CNTNAP2: variants seen among roughly 807,000 people sequenced by gnomAD.
CNTNAP2 encodes contactin associated protein 2, also known as contactin-associated protein-like 2.
CNTNAP2 carries 98 observed loss-of-function variants against 155.2 expected under a neutral mutation model. The ratio of observed to expected loss-of-function variants is 0.63; its 90% CI spans 0.54 to 0.75. The LOEUF (loss-of-function observed/expected upper bound fraction) is 0.75, where lower values mean the gene tolerates loss of function less well. Among genes scored for constraint, CNTNAP2 ranks in the 30% least tolerant of loss-of-function variants. The pLI is 0.00. For missense variants in CNTNAP2, 1,727 were observed against 1,688.1 expected (o/e 1.02, Z -0.40); for synonymous variants, 651 against 631.2 (o/e 1.03, Z -0.47).
intron 1 of CNTNAP2, among the ~76,000 whole-genome samples, chr7:146,531,841 G>A (rs1462825584): frequency 2.6e-5 from 4 of 152,108 alleles, no homozygotes; most frequent in Non-Finnish European, 5.9e-5. Flanking sequence ...CACCATGCCG[G>A]CCCTATAGCT....
In CNTNAP2 at chr7:147,121,151, C is replaced by T. The variant is rs1268578810; in HGVS notation, c.927C>T (p.Asp309=). ...FRTNGEFDYL[D]LDYEITFGGI... ...CCAATGGAGAGTTTGACTACCTGGA[C>T]TTGGACTATGAGGTACATGTGATGA... Residue 309 remains aspartate, a synonymous_variant, in exon 6 of 24, where the codon GAC becomes GAT. Coordinates refer to ENST00000361727, the MANE Select transcript of CNTNAP2 (RefSeq NM_014141.6). 6.2e-7 allele frequency: 1 copy of T among 1,614,082 alleles called. No individual in the cohort carries two copies. The highest frequency in any genetic ancestry group is 8.5e-7 in the Non-Finnish European group (1 of 1,179,962).
intron 9 of CNTNAP2, among the ~76,000 whole-genome samples, chr7:147,321,089 T>C (rs1191715882): frequency 1.3e-5 from 2 of 152,246 alleles, no homozygotes; most frequent in Admixed American, 1.3e-4. Context: ...TGTTGACTAT[T>C]CTTTTTCATA....
intron 1 of CNTNAP2, among the ~76,000 whole-genome samples, chr7:146,718,508 T>C (rs893765260): frequency 6.6e-6 from 1 of 152,098 alleles, no homozygotes; most frequent in African/African-American, 2.4e-5. Context: ...CTTAAACCTT[T>C]TCTGTTTAAT....
intron 8 of CNTNAP2, among the ~76,000 whole-genome samples, chr7:147,148,775 T>A (rs1801766330): frequency 6.6e-6 from 1 of 152,208 alleles, no homozygotes; most frequent in Non-Finnish European, 1.5e-5. Context: ...GGAGGGTTCA[T>A]GGTCTCACTG....
chr7:146,352,911 C>G (rs894219229), intron 1 of CNTNAP2, among the ~76,000 whole-genome samples: 1 of 151,418 alleles, frequency 6.6e-6, no homozygotes, highest in African/African-American at 2.4e-5. Context: ...CCCGCCACCA[C>G]GCCCGGCTAA....
chr7:147,394,101 G>A (rs548355802), intron 9 of CNTNAP2, among the ~76,000 whole-genome samples: 1 of 152,052 alleles, frequency 6.6e-6, no homozygotes, highest in East Asian at 1.9e-4. Context: ...CCACTGGGAG[G>A]TAATTCTATC....
intron 12 of CNTNAP2, among the ~76,000 whole-genome samples, chr7:147,602,191 AT>A (rs1357292540): frequency 2.0e-5 from 3 of 151,996 alleles, no homozygotes; most frequent in African/African-American, 7.2e-5. Context: ...TTAAAAAAAA[AT>A]GCTACCTGTT....
chr7:147,732,143 T>G (rs988526783), intron 13 of CNTNAP2, among the ~76,000 whole-genome samples: 2 of 151,772 alleles, frequency 1.3e-5, no homozygotes, highest in Non-Finnish European at 2.9e-5. Flanking sequence ...ACCCGTTAAC[T>G]GGTCATTTAC....
intron 13 of CNTNAP2, among the ~76,000 whole-genome samples, chr7:147,690,773 G>A (rs1796076636): frequency 6.6e-6 from 1 of 151,818 alleles, no homozygotes; most frequent in South Asian, 2.1e-4. Flanking sequence ...TTGTATATTT[G>A]AATAATACAA....
chr7:146,442,436 G>T (rs1286178136), intron 1 of CNTNAP2, among the ~76,000 whole-genome samples: 1 of 151,098 alleles, frequency 6.6e-6, no homozygotes, highest in East Asian at 1.9e-4. Context: ...TCCATTTGGG[G>T]TGTGTGTGTG....
intron 1 of CNTNAP2, among the ~76,000 whole-genome samples, chr7:146,349,046 T>C (rs1335728276): frequency 6.6e-6 from 1 of 152,162 alleles, no homozygotes; most frequent in African/African-American, 2.4e-5. Flanking sequence ...TTTCTGTTAG[T>C]TCATAGTAAG....
In CNTNAP2 at chr7:146,822,767, A is replaced by G. The variant is rs559679227; in HGVS notation, c.209-16944A>G. Among the ~76,000 whole-genome samples the G allele has an allele frequency of 1.1e-3, 162 of 147,994 alleles. 4 individuals are homozygous for G. The South Asian group carries it at 0.033, about 31-fold the overall frequency. On this transcript the variant is annotated intron_variant, in intron 2 of 23. Coordinates refer to ENST00000361727, the MANE Select transcript of CNTNAP2 (RefSeq NM_014141.6). ...TTTAAGTGTATACTTAAGAATATTT[A>G]TAAATATACTCATTCTTCAGCATAT... is the stretch of plus-strand genomic sequence containing the variant.
At chr7:148,001,721 G>A (rs1382651782) in intron 15 of CNTNAP2, among the ~76,000 whole-genome samples, 1 of 152,188 alleles carries the variant, frequency 6.6e-6, no homozygotes, top group Non-Finnish European at 1.5e-5. Context: ...TGTCTATGAA[G>A]CCATCTAGCT....
intron 1 of CNTNAP2, among the ~76,000 whole-genome samples, chr7:146,584,228 T>C (rs1046659004): frequency 9.2e-5 from 14 of 152,196 alleles, no homozygotes; most frequent in Admixed American, 6.5e-5. Flanking sequence ...TTGTTTAAAA[T>C]TATGGGTTCT....
intron 15 of CNTNAP2, among the ~76,000 whole-genome samples, chr7:147,998,016 A>C (rs1801836243): frequency 6.6e-6 from 1 of 151,928 alleles, no homozygotes; most frequent in Non-Finnish European, 1.5e-5. Flanking sequence ...GAACGAGCTC[A>C]ATTACCAAGC....
intron 1 of CNTNAP2, among the ~76,000 whole-genome samples, chr7:146,745,484 A>T (rs1407703350): frequency 6.6e-6 from 1 of 152,162 alleles, no homozygotes; most frequent in African/African-American, 2.4e-5. Context: ...TTGCCATCTT[A>T]AAAGTCTGTT....
chr7:148,342,946 A>G (rs1798260581), intron 21 of CNTNAP2, among the ~76,000 whole-genome samples: 1 of 152,232 alleles, frequency 6.6e-6, no homozygotes, highest in South Asian at 2.1e-4. Context: ...TGCAGAAGAA[A>G]ACTTTATCTG....
intron 22 of CNTNAP2, among the ~76,000 whole-genome samples, chr7:148,407,923 A>G (rs1329831293): frequency 6.6e-6 from 1 of 152,150 alleles, no homozygotes; most frequent in African/African-American, 2.4e-5. Context: ...TCTATCTAAA[A>G]AGTATAATTT....
At chr7:146,278,795 C>T (rs930268185) in intron 1 of CNTNAP2, among the ~76,000 whole-genome samples, 2 of 152,034 alleles carry the variant, frequency 1.3e-5, no homozygotes, top group Admixed American at 1.3e-4. Context: ...ATTGAAGTAA[C>T]CAATATTTCT....
Sources: gnomAD v4.1 joint callset for allele counts (sites outside exome capture counted in the v4.1 genomes callset) on GRCh38, gnomAD v4.1.1 for gene constraint, MANE v1.5 for transcripts, NCBI Gene and HGNC (gene_info 2026-07-23, HGNC 2026-07-21) for gene names.